CAPN14: variants seen among roughly 807,000 people sequenced by gnomAD.
The protein encoded by CAPN14 is calpain 14.
Under a neutral mutation model 101.3 loss-of-function variants are expected in CAPN14, and 94 were observed. The ratio of observed to expected loss-of-function variants is 0.93; its 90% CI spans 0.79 to 1.10. CAPN14 has a LOEUF of 1.10. Among genes scored for constraint, CAPN14 ranks in the 50% least tolerant of loss-of-function variants. The pLI is 0.00. For synonymous variants in CAPN14, 338 were observed against 317.9 expected (o/e 1.06, Z -0.67); for missense variants, 837 against 828.4 (o/e 1.01, Z -0.13).
rs117870460 is a variant in CAPN14 at position 31,197,605 on chromosome 2, C to T, written c.790-271G>A. On this transcript the variant is annotated intron_variant, in intron 7 of 21. Transcript: ENST00000403897. ...AGTGGGTTGAATGGTGATCTTCCCTCCCCAAAGAGGATATGTACACTTAGA... is the reference window on the plus strand; with the variant it reads ...AGTGGGTTGAATGGTGATCTTCCCTTCCCAAAGAGGATATGTACACTTAGA... Among the ~76,000 whole-genome samples, 208 of 152,312 alleles carry T rather than the reference C, an allele frequency of 1.4e-3. 3 individuals carry two copies. The East Asian group carries it at 0.034, about 25-fold the overall frequency.
At chr2:31,184,178 C>T (rs187326470) in intron 16 of CAPN14, among the ~76,000 whole-genome samples, 152 of 152,286 alleles carry the variant, frequency 1.0e-3, no homozygotes, top group African/African-American at 3.3e-3. Context: ...CCACCGCGCC[C>T]GGCCCTCCTC....
Position 31,181,386 on chromosome 2 carries a change from T to TTCTCTTTCTTTCTTTC in CAPN14, c.1646-387_1646-386insGAAAGAAAGAAAGAGA, listed in dbSNP as rs1171284901. 5.7e-3 allele frequency among the ~76,000 whole-genome samples: 744 copies of TTCTCTTTCTTTCTTTC among 131,258 alleles called. 12 individuals carry two copies. Among genetic ancestry groups the TTCTCTTTCTTTCTTTC allele is most frequent in the East Asian group, 0.015 (72 of 4,770 alleles). 86.1% of individuals were successfully genotyped at this position (131,258 alleles called of 152,430 possible). On this transcript the variant is annotated intron_variant, in intron 16 of 21. Coordinates refer to ENST00000403897, the MANE Select transcript of CAPN14 (RefSeq NM_001145122.2). ...CCTCAGGTTTCTTTCTCTTTTCTTT[T>TTCTCTTTCTTTCTTTC]TTTCTTTCTTTTTTTCTTTCTTTCT...
At chr2:31,221,000 C>T (rs192275989), upstream of CAPN14, among the ~76,000 whole-genome samples, 173 of 152,142 alleles carry the variant, frequency 1.1e-3, no homozygotes, top group Admixed American at 1.9e-3. Context: ...TATCCAAGAA[C>T]CGAGATAATA....
chr2:31,191,806 C>T (rs1369437926), intron 11 of CAPN14, 129 bp downstream of exon 11: 21 of 857,734 alleles, frequency 2.4e-5, no homozygotes, highest in Non-Finnish European at 2.5e-5. Flanking sequence ...AAGGACAGAG[C>T]CTGGATTTGA....
At chr2:31,190,692 G>A (rs963869643) in intron 12 of CAPN14, among the ~76,000 whole-genome samples, 1 of 152,210 alleles carries the variant, frequency 6.6e-6, no homozygotes, top group Non-Finnish European at 1.5e-5. Flanking sequence ...GCAAATTTGA[G>A]AGTGTTCAGT....
At position 31,191,932 on chromosome 2, in the gene CAPN14, T is replaced by C. The variant is rs1681206630; in HGVS notation, c.1278+3A>G. On this transcript the variant is annotated splice_donor_region_variant and intron_variant, in intron 11 of 21. Coordinates refer to ENST00000403897, the MANE Select transcript of CAPN14 (RefSeq NM_001145122.2). ...TGCCCCTGTGGTTCAGAGGTCCACC[T>C]ACCCTATACAGGTAGAAGCCAATGG... 6.5e-7 allele frequency: 1 copy of C among 1,545,326 alleles called. No individual in the cohort carries two copies. Among genetic ancestry groups the C allele is most frequent in the Non-Finnish European group, 8.7e-7 (1 of 1,143,302 alleles).
intron 17 of CAPN14, among the ~76,000 whole-genome samples, chr2:31,180,463 G>A (rs1363491545): frequency 1.3e-5 from 2 of 152,218 alleles, no homozygotes; most frequent in South Asian, 4.1e-4. Flanking sequence ...GGACAGCTGA[G>A]TTTGTGGCAT....
rs191185779 is a variant in CAPN14 at position 31,196,049 on chromosome 2, A to G, written c.875+1200T>C. Among the ~76,000 whole-genome samples, 72 of 152,372 alleles carry G rather than the reference A, an allele frequency of 4.7e-4. 1 individual carries two copies. The East Asian group carries it at 0.013, about 27-fold the overall frequency. ...AAGTGCCGCATATTCTCAAGGATGT[A>G]AAGAGAAACACGGACATAAAAAGGG... On this transcript the variant is annotated intron_variant, in intron 8 of 21. Coordinates refer to ENST00000403897, the MANE Select transcript of CAPN14 (RefSeq NM_001145122.2).
intron 1 of CAPN14, among the ~76,000 whole-genome samples, chr2:31,213,644 A>C (rs1682506393): frequency 6.6e-6 from 1 of 152,236 alleles, no homozygotes; most frequent in South Asian, 2.1e-4. Flanking sequence ...TTAATGAAAC[A>C]ATTTTATCTC....
intron 16 of CAPN14, among the ~76,000 whole-genome samples, chr2:31,183,999 A>AG (rs946927745): frequency 3.3e-5 from 5 of 152,126 alleles, no homozygotes; most frequent in Admixed American, 6.5e-5. Flanking sequence ...CTCCTGCCTC[A>AG]GCCTCCTGAG....
At chr2:31,175,761 A>T (rs1680259317) in intron 21 of CAPN14, among the ~76,000 whole-genome samples, 1 of 152,228 alleles carries the variant, frequency 6.6e-6, no homozygotes, top group South Asian at 2.1e-4. Flanking sequence ...TGAGATCAAG[A>T]AAAACATTCC....
Position 31,209,801 on chromosome 2 carries a change from T to C in CAPN14, c.-52-4302A>G, listed in dbSNP as rs985391986. Among the ~76,000 whole-genome samples the C allele has an allele frequency of 3.3e-5, 5 of 152,280 alleles. No individual in the cohort carries two copies. The East Asian group carries it at 7.7e-4, about 24-fold the overall frequency. ...TCTGTATTCCATCATGCCATGTTAG[T>C]ACCTTGTAATTGGCCATCATGGGAG... On this transcript the variant is annotated intron_variant, in intron 1 of 21. Coordinates refer to ENST00000403897, the MANE Select transcript of CAPN14 (RefSeq NM_001145122.2).
intron 1 of CAPN14, among the ~76,000 whole-genome samples, chr2:31,229,171 G>C (rs1237645152): frequency 1.3e-5 from 2 of 152,150 alleles, no homozygotes; most frequent in Non-Finnish European, 2.9e-5. Flanking sequence ...ATTCAGGATA[G>C]GGGTCCCCTC....
chr2:31,202,119 C>G lies in CAPN14; in HGVS notation c.414+15G>C, dbSNP rs989573807. The G allele has an allele frequency of 6.5e-7, 1 of 1,550,386 alleles. No individual in the cohort carries two copies. Among genetic ancestry groups the G allele is most frequent in the African/African-American group, 1.4e-5 (1 of 73,006 alleles). On this transcript the variant is annotated intron_variant, in intron 4 of 21. Coordinates refer to ENST00000403897, the MANE Select transcript of CAPN14 (RefSeq NM_001145122.2). ...TATGACTCCCTCTGGGCTGAGGACC[C>G]GGGAAGACACTCACCCAGAACCGGA... is the stretch of plus-strand genomic sequence containing the variant.
chr2:31,218,831 C>T (rs1031497426), upstream of CAPN14, among the ~76,000 whole-genome samples: 3 of 152,208 alleles, frequency 2.0e-5, no homozygotes, highest in African/African-American at 7.2e-5. Context: ...CAAATCAAAT[C>T]CAAAGCTTTC....
upstream of CAPN14, among the ~76,000 whole-genome samples, chr2:31,218,994 T>G (rs1184836719): frequency 6.6e-6 from 1 of 151,982 alleles, no homozygotes; most frequent in Non-Finnish European, 1.5e-5. Context: ...AGACATAACC[T>G]TTTCATTTTC....
At chr2:31,189,661 C>T (rs1681080197) in intron 12 of CAPN14, 183 bp from the exon 13 acceptor site, 2 of 691,354 alleles carry the variant, frequency 2.9e-6, no homozygotes, top group Middle Eastern at 2.3e-4. Context: ...GTGTGGAGGG[C>T]TGCACCTTTG....
At chr2:31,192,777 T>C (rs1469537001) in intron 10 of CAPN14, among the ~76,000 whole-genome samples, 2 of 152,182 alleles carry the variant, frequency 1.3e-5, no homozygotes, top group Non-Finnish European at 2.9e-5. Flanking sequence ...GTTACTTCAG[T>C]GTTTTCAGTG....
rs141095332 is a variant in CAPN14, at chr2:31,223,988, C to T, written c.-53+2540G>A. ...TTTTCCTATGTTTGTTTTCATACAG[C>T]CTGAATCCCATCGTCATTTTTCGCA... On this transcript the variant is annotated intron_variant and NMD_transcript_variant, in intron 2 of 21. Coordinates refer to the CAPN14 transcript ENST00000398824. 3.5e-3 allele frequency among the ~76,000 whole-genome samples: 533 copies of T among 152,290 alleles called. 5 individuals carry two copies. The highest frequency in any genetic ancestry group is 0.012 in the African/African-American group (501 of 41,562).
Sources: allele counts gnomAD v4.1 joint callset (sites outside exome capture counted in the v4.1 genomes callset), GRCh38; gene constraint gnomAD v4.1.1; transcripts MANE v1.5; gene names NCBI Gene and HGNC (gene_info 2026-07-23, HGNC 2026-07-21).